RASAL2: variants seen among roughly 807,000 people sequenced by gnomAD.
The protein encoded by RASAL2 is RAS protein activator like 2, also known as ras GTPase-activating protein nGAP.
In RASAL2, 58 loss-of-function variants were observed where a neutral mutation model predicts 128.9. The ratio of observed to expected loss-of-function variants is 0.45; its 90% CI spans 0.36 to 0.56. RASAL2 has a LOEUF of 0.56. RASAL2 is among the 20% of genes least tolerant of loss of function. RASAL2 has a pLI of 0.00. For missense variants in RASAL2, 1,360 were observed against 1,601.6 expected (o/e 0.85, Z 2.57); for synonymous variants, 561 against 580.8 (o/e 0.97, Z 0.49).
At chr1:178,118,402 GCC>G (rs1244250162) in intron 1 of RASAL2, among the ~76,000 whole-genome samples, 1 of 152,082 alleles carries the variant, frequency 6.6e-6, no homozygotes, top group Admixed American at 6.6e-5. Context: ...ATCAGTGGAA[GCC>G]CTGAGCTCGT....
At chr1:178,464,204 A>C (rs1182104184) in intron 14 of RASAL2, 74 bp from the exon 15 acceptor site, 1 of 1,477,606 alleles carries the variant, frequency 6.8e-7, no homozygotes, top group Non-Finnish European at 9.0e-7. Flanking sequence ...AATGTCTTCC[A>C]AGAATAGCTG....
At chr1:178,246,249 G>T (rs772215107) in intron 1 of RASAL2, among the ~76,000 whole-genome samples, 1 of 152,100 alleles carries the variant, frequency 6.6e-6, no homozygotes, top group Admixed American at 6.5e-5. Flanking sequence ...TCCTTGAGCA[G>T]TGGTTTGTAG....
chr1:178,433,115 A>G (rs67857740), intron 5 of RASAL2, among the ~76,000 whole-genome samples: 15,702 of 152,048 alleles, frequency 0.1, 864 homozygotes, highest in Middle Eastern at 0.15. Context: ...TAACATCCAT[A>G]CTATAGTAGA....
chr1:178,443,718 TATGATACAATTGGTAGCTGTTTC>T (rs1676819068), intron 8 of RASAL2, among the ~76,000 whole-genome samples: 1 of 152,184 alleles, frequency 6.6e-6, no homozygotes, highest in African/African-American at 2.4e-5. Flanking sequence ...ATCCAAGGGA[TATGATACAATTGGTAGCTGTTTC>T]ATGATACACT....
chr1:178,148,070 C>G (rs1010055285), intron 1 of RASAL2, among the ~76,000 whole-genome samples: 4 of 151,666 alleles, frequency 2.6e-5, no homozygotes, highest in Non-Finnish European at 4.4e-5. Context: ...GACTCTGTCT[C>G]AAAATAAATA....
At chr1:178,164,391 G>T (rs960134379) in intron 1 of RASAL2, among the ~76,000 whole-genome samples, 1 of 151,818 alleles carries the variant, frequency 6.6e-6, no homozygotes, top group African/African-American at 2.4e-5. Flanking sequence ...GAAAAAGCTG[G>T]TTATTCCAAA....
intron 1 of RASAL2, among the ~76,000 whole-genome samples, chr1:178,122,421 G>T (rs1353118636): frequency 6.6e-6 from 1 of 152,186 alleles, no homozygotes. Flanking sequence ...GTCAGAAATG[G>T]AGAAGTTGAA....
intron 1 of RASAL2, among the ~76,000 whole-genome samples, chr1:178,121,510 T>TG (rs1339046230): frequency 1.3e-5 from 2 of 151,814 alleles, no homozygotes; most frequent in African/African-American, 4.8e-5. Flanking sequence ...TTTTTTGGGA[T>TG]GGAGTCTCAC....
At position 178,379,656 on chromosome 1, in the gene RASAL2, G is replaced by A. The variant is rs1457679489; in HGVS notation, c.458-10444G>A. 2.0e-5 allele frequency among the ~76,000 whole-genome samples: 3 copies of A among 152,112 alleles called. No individual in the cohort carries two copies. In the South Asian group the frequency reaches 6.2e-4, roughly 32 times the overall value. On this transcript the variant is annotated intron_variant, in intron 3 of 17. Coordinates refer to ENST00000367649, the MANE Select transcript of RASAL2 (RefSeq NM_170692.4). ...CAAAAAGTACCTCAGTATGGCTATT[G>A]AATCCATATTGAGTCTCACAGGTGG... is the stretch of plus-strand genomic sequence containing the variant.
intron 5 of RASAL2, among the ~76,000 whole-genome samples, chr1:178,429,263 A>G (rs1675728991): frequency 6.6e-6 from 1 of 152,032 alleles, no homozygotes; most frequent in Non-Finnish European, 1.5e-5. Context: ...GGCTTATCCA[A>G]AAGCATCAAT....
chr1:178,386,311 A>G (rs1672561400), intron 3 of RASAL2, among the ~76,000 whole-genome samples: 1 of 152,232 alleles, frequency 6.6e-6, no homozygotes, highest in Non-Finnish European at 1.5e-5. Context: ...GCCTCAAAGC[A>G]TATAAACTCA....
chr1:178,303,745 G>A (rs1667869743), intron 3 of RASAL2, among the ~76,000 whole-genome samples: 1 of 151,700 alleles, frequency 6.6e-6, no homozygotes, highest in African/African-American at 2.4e-5. Context: ...ATGAACAAAG[G>A]GCTTTTATCT....
At chr1:178,354,559 T>G (rs1670697769) in intron 3 of RASAL2, among the ~76,000 whole-genome samples, 1 of 152,182 alleles carries the variant, frequency 6.6e-6, no homozygotes, top group Non-Finnish European at 1.5e-5. Flanking sequence ...AATTAAAACT[T>G]CACAAGTGAT....
At chr1:178,410,435 G>A (rs868209861) in intron 4 of RASAL2, among the ~76,000 whole-genome samples, 11 of 152,088 alleles carry the variant, frequency 7.2e-5, no homozygotes, top group African/African-American at 2.4e-4. Flanking sequence ...AGATAACATC[G>A]GAAAAACTCT....
At chr1:178,464,234 G>A (rs780822621) in intron 14 of RASAL2, 44 bp from the exon 15 acceptor site, 29 of 1,558,152 alleles carry the variant, frequency 1.9e-5, no homozygotes, top group Admixed American at 1.6e-4. Context: ...CATAGCACAC[G>A]GGTGAGCTGT....
In RASAL2 at chr1:178,458,146, A is replaced by G; in HGVS notation, c.2854A>G (p.Ser952Gly). ...CAGTTTGGAGAACCTAAGCACTGCC[A>G]GTTCCAGAAGCCAAAGTAACAGTGA... ...DSSLENLSTASSRSQSNSEDF... is the reference protein window; with the variant it reads ...DSSLENLSTAGSRSQSNSEDF... The change falls in exon 14 of 18, where the codon AGT becomes GGT. Residue 952 changes from serine to glycine, a missense_variant. Physicochemically the swap from Ser to Gly is moderately conservative, Grantham distance 56. This residue lies in a region of RASAL2 where 741 missense variants were observed against 868.6 expected (regional missense o/e 0.85). Coordinates refer to ENST00000367649, the MANE Select transcript of RASAL2 (RefSeq NM_170692.4). 1 of 1,614,246 alleles carries G rather than the reference A, an allele frequency of 6.2e-7. No individual in the cohort carries two copies. Among genetic ancestry groups the G allele is most frequent in the East Asian group, 2.2e-5 (1 of 44,888 alleles).
intron 3 of RASAL2, among the ~76,000 whole-genome samples, chr1:178,308,531 A>T (rs1259563152): frequency 6.6e-6 from 1 of 151,558 alleles, no homozygotes; most frequent in Non-Finnish European, 1.5e-5. Flanking sequence ...TGATTATTCA[A>T]ACATTAGCTT....
At chr1:178,141,451 A>G (rs1187682110) in intron 1 of RASAL2, among the ~76,000 whole-genome samples, 1 of 151,958 alleles carries the variant, frequency 6.6e-6, no homozygotes, top group East Asian at 1.9e-4. Context: ...GCTGAGTTAC[A>G]AAAGTCCTGT....
intron 3 of RASAL2, among the ~76,000 whole-genome samples, chr1:178,327,773 T>A (rs1669107486): frequency 6.6e-6 from 1 of 152,116 alleles, no homozygotes; most frequent in Non-Finnish European, 1.5e-5. Flanking sequence ...AGAAAAGGTC[T>A]TTGTAGGTAT....
Sources: allele counts gnomAD v4.1 joint callset (sites outside exome capture counted in the v4.1 genomes callset), GRCh38; gene constraint gnomAD v4.1.1; regional missense constraint gnomAD v4.1.1; transcripts MANE v1.5; gene names NCBI Gene and HGNC (gene_info 2026-07-23, HGNC 2026-07-21).